Variants in GLP2R observed in about 807,000 individuals in gnomAD.
GLP2R encodes the protein glucagon like peptide 2 receptor, also known as glucagon-like peptide 2 receptor.
A neutral mutation model predicts 68.2 loss-of-function variants in GLP2R; 59 were observed. The ratio of observed to expected loss-of-function variants is 0.87; its 90% CI spans 0.70 to 1.07. The LOEUF (loss-of-function observed/expected upper bound fraction) is 1.07. Among genes scored for constraint, GLP2R ranks in the 50% least tolerant of loss-of-function variants. The probability of loss-of-function intolerance (pLI) is 0.00; values close to 1 mark genes in which losing one functional copy is unlikely to be tolerated. For missense variants in GLP2R, 548 were observed against 677.4 expected (o/e 0.81, Z 2.12); for synonymous variants, 270 against 265.4 (o/e 1.02, Z -0.17).
intron 10 of GLP2R, among the ~76,000 whole-genome samples, chr17:9,874,496 A>G (rs1004585346): frequency 1.3e-5 from 2 of 151,070 alleles, no homozygotes; most frequent in African/African-American, 4.9e-5. Context: ...CTTTTTCTTT[A>G]ATAATAATAA....
In GLP2R at chr17:9,880,391, A is replaced by C; in HGVS notation, c.1159A>C (p.Thr387Pro). The change falls in exon 11 of 13, where the codon ACA becomes CCA. Residue 387 changes from threonine to proline, a missense_variant. Coordinates refer to ENST00000262441, the MANE Select transcript of GLP2R (RefSeq NM_004246.3). ...RDYKYRLAKS[T>P]LVLIPLLGVH... Reference sequence around the variant, plus strand: ...TGTCATTTACAGATTGGCAAAATCAACACTGGTCCTCATTCCTTTATTGGG... The same window carrying C: ...TGTCATTTACAGATTGGCAAAATCACCACTGGTCCTCATTCCTTTATTGGG... The C allele has an allele frequency of 6.3e-7, 1 of 1,597,926 alleles. No individual in the cohort carries two copies. The highest frequency in any genetic ancestry group is 8.6e-7 in the Non-Finnish European group (1 of 1,169,502).
chr17:9,884,513 C>T (rs2067224854), intron 11 of GLP2R, among the ~76,000 whole-genome samples: 1 of 152,154 alleles, frequency 6.6e-6, no homozygotes, highest in South Asian at 2.1e-4. Flanking sequence ...ACCAAGTTCC[C>T]TATACCAGTC....
intron 5 of GLP2R, among the ~76,000 whole-genome samples, chr17:9,856,585 A>G (rs1279072885): frequency 6.6e-6 from 1 of 152,152 alleles, no homozygotes; most frequent in African/African-American, 2.4e-5. Context: ...GAGAGCTAAC[A>G]TTTTTCTGGA....
intron 2 of GLP2R, among the ~76,000 whole-genome samples, chr17:9,835,025 C>CTTTTT (rs35950679): frequency 2.4e-5 from 2 of 83,150 alleles, no homozygotes; most frequent in African/African-American, 4.6e-5. Context: ...GAAACCTGGC[C>CTTTTT]TTTTTTTTTT....
At chr17:9,833,940 C>G (rs752018915) in intron 2 of GLP2R, 46 bp downstream of exon 2, 1 of 1,203,992 alleles carries the variant, frequency 8.3e-7, no homozygotes, top group Non-Finnish European at 1.2e-6. Flanking sequence ...CAAATTGCCC[C>G]AAAGCTTAGC....
At chr17:9,842,333 A>G (rs867809913) in intron 3 of GLP2R, among the ~76,000 whole-genome samples, 162 bp from the exon 4 acceptor site, 1 of 152,174 alleles carries the variant, frequency 6.6e-6, no homozygotes, top group Non-Finnish European at 1.5e-5. Context: ...AGAAGCTTCC[A>G]TGTTTTCCTT....
intron 4 of GLP2R, among the ~76,000 whole-genome samples, chr17:9,843,065 C>T (rs2066803713): frequency 6.6e-6 from 1 of 151,718 alleles, no homozygotes; most frequent in African/African-American, 2.4e-5. Context: ...GGCACCTGCC[C>T]CTCCCTGAAA....
chr17:9,848,831 G>T (rs2066864676), intron 4 of GLP2R, among the ~76,000 whole-genome samples: 2 of 151,198 alleles, frequency 1.3e-5, no homozygotes, highest in South Asian at 4.2e-4. Context: ...GATGCTGGGG[G>T]TCCTTATGCA....
intron 3 of GLP2R, 145 bp downstream of exon 3, chr17:9,836,620 T>C: frequency 1.8e-6 from 1 of 559,494 alleles, no homozygotes; most frequent in Non-Finnish European, 3.2e-6. Flanking sequence ...TTTATTTTTA[T>C]GTATGTATGT....
chr17:9,856,855 C>T (rs181369585), intron 5 of GLP2R, among the ~76,000 whole-genome samples: 15 of 152,188 alleles, frequency 9.9e-5, no homozygotes, highest in Admixed American at 4.6e-4. Context: ...TAAGAATACT[C>T]AAATGTAGCT....
intron 2 of GLP2R, among the ~76,000 whole-genome samples, chr17:9,834,133 G>A (rs1005420929): frequency 6.6e-5 from 10 of 152,112 alleles, no homozygotes; most frequent in Non-Finnish European, 1.0e-4. Context: ...GTCTCTAAGG[G>A]CCTGCCTGAC....
Position 9,862,109 on chromosome 17 carries a change from A to G in GLP2R, c.1056+19A>G. On this transcript the variant is annotated intron_variant, in intron 9 of 12. Coordinates refer to ENST00000262441, the MANE Select transcript of GLP2R (RefSeq NM_004246.3). Reference sequence around the variant, plus strand: ...TGTAACAGTAAGGACCATCCCATCCACCTCTTTGTCTCGGAGCCTAGCAGC... The same window carrying G: ...TGTAACAGTAAGGACCATCCCATCCGCCTCTTTGTCTCGGAGCCTAGCAGC... 6.3e-7 allele frequency: 1 copy of G among 1,583,952 alleles called. No homozygotes were observed. The highest frequency in any genetic ancestry group is 8.7e-7 in the Non-Finnish European group (1 of 1,153,668).
At chr17:9,873,574 T>TG in intron 10 of GLP2R, among the ~76,000 whole-genome samples, 1 of 145,478 alleles carries the variant, frequency 6.9e-6, no homozygotes, top group South Asian at 2.2e-4. Context: ...TTTTTTTTTT[T>TG]TTTTTAGCTC....
At chr17:9,826,512 C>G (rs557409926) in intron 1 of GLP2R, among the ~76,000 whole-genome samples, 2 of 152,202 alleles carry the variant, frequency 1.3e-5, no homozygotes, top group East Asian at 3.9e-4. Context: ...CCTGGTCCCC[C>G]CAACCAGCCC....
chr17:9,828,032 T>C (rs1377419047), intron 1 of GLP2R, among the ~76,000 whole-genome samples: 1 of 151,510 alleles, frequency 6.6e-6, no homozygotes, highest in East Asian at 1.9e-4. Context: ...TCCCTGTTCA[T>C]GGTCTTGGAA....
At chr17:9,843,156 G>A (rs1188605922) in intron 4 of GLP2R, among the ~76,000 whole-genome samples, 2 of 152,176 alleles carry the variant, frequency 1.3e-5, no homozygotes, top group Admixed American at 6.5e-5. Context: ...TGTGCCTCGA[G>A]GGAGTGGCAT....
chr17:9,884,328 C>T (rs1398785839), intron 11 of GLP2R, among the ~76,000 whole-genome samples: 1 of 152,074 alleles, frequency 6.6e-6, no homozygotes, highest in African/African-American at 2.4e-5. Flanking sequence ...CAAAATATCC[C>T]TATGAAGGAT....
intron 9 of GLP2R, chr17:9,865,717 C>A: frequency 2.3e-6 from 1 of 436,652 alleles, no homozygotes; most frequent in Non-Finnish European, 4.7e-6. Context: ...CTATCCCCTA[C>A]CCTCCACCCC....
chr17:9,861,935 C>G (rs756870728), intron 8 of GLP2R, 86 bp from the exon 9 acceptor site: 2 of 933,834 alleles, frequency 2.1e-6, no homozygotes, highest in Non-Finnish European at 3.6e-6. Context: ...GTGCAAGCAT[C>G]CTTCTTCCAG....
Sources: gnomAD v4.1 joint callset for allele counts (sites outside exome capture counted in the v4.1 genomes callset) on GRCh38, gnomAD v4.1.1 for gene constraint, MANE v1.5 for transcripts, NCBI Gene and HGNC (gene_info 2026-07-23, HGNC 2026-07-21) for gene names.